Variants in SNX29 observed in about 807,000 individuals in gnomAD.
The protein encoded by SNX29 is sorting nexin 29, also known as sorting nexin-29.
A neutral mutation model predicts 102.1 loss-of-function variants in SNX29; 78 were observed. The observed-to-expected ratio is 0.76, with a 90% CI of 0.64 to 0.92. The LOEUF is 0.92. SNX29 is among the 40% of genes least tolerant of loss of function. SNX29 has a pLI of 0.00. For synonymous variants in SNX29, 580 were observed against 414.5 expected (o/e 1.40, Z -4.85); for missense variants, 1,280 against 1,061.7 (o/e 1.21, Z -2.86).
At chr16:12,161,654 G>C (rs542227188) in intron 13 of SNX29, among the ~76,000 whole-genome samples, 66 of 152,222 alleles carry the variant, frequency 4.3e-4, no homozygotes, top group Middle Eastern at 3.4e-3. Context: ...GGGACAGGTG[G>C]GTCCCTCATG....
chr16:12,115,171 C>A (rs961073884), intron 11 of SNX29, among the ~76,000 whole-genome samples: 2 of 152,128 alleles, frequency 1.3e-5, no homozygotes, highest in Non-Finnish European at 2.9e-5. Context: ...CGTCCCTCCC[C>A]CTCCGTTGCT....
chr16:12,048,931 C>T (rs1006180305), intron 7 of SNX29, among the ~76,000 whole-genome samples: 83 of 152,216 alleles, frequency 5.5e-4, no homozygotes, highest in African/African-American at 1.9e-3. Context: ...GTTCCTTCAT[C>T]GTATTCTGTG....
chr16:12,147,065 T>C (rs1018585372), intron 13 of SNX29, among the ~76,000 whole-genome samples: 1 of 152,246 alleles, frequency 6.6e-6, no homozygotes, highest in African/African-American at 2.4e-5. Flanking sequence ...ACTCAGGTTT[T>C]GTTGACGAAC....
intron 20 of SNX29, among the ~76,000 whole-genome samples, chr16:12,554,267 A>T (rs1001951534): frequency 1.3e-5 from 2 of 152,220 alleles, no homozygotes; most frequent in African/African-American, 4.8e-5. Context: ...CTTTTGGTGC[A>T]TCTGTGTATA....
At chr16:12,482,271 T>G (rs927968851) in intron 19 of SNX29, among the ~76,000 whole-genome samples, 1 of 145,750 alleles carries the variant, frequency 6.9e-6, no homozygotes, top group African/African-American at 2.4e-5. Flanking sequence ...CTCCTTTTCC[T>G]TTTTCTTTTT....
intron 18 of SNX29, among the ~76,000 whole-genome samples, chr16:12,459,768 G>T (rs2086699095): frequency 6.6e-6 from 1 of 152,190 alleles, no homozygotes; most frequent in Non-Finnish European, 1.5e-5. Context: ...CACTGGTCCT[G>T]CCCCTCAGGA....
intron 19 of SNX29, among the ~76,000 whole-genome samples, chr16:12,497,536 T>A (rs566099438): frequency 6.6e-6 from 1 of 152,348 alleles, no homozygotes; most frequent in African/African-American, 2.4e-5. Context: ...AACGAGAGGC[T>A]TAGGAATGAC....
At chr16:12,428,772 G>A (rs952275401) in intron 18 of SNX29, among the ~76,000 whole-genome samples, 16 of 151,298 alleles carry the variant, frequency 1.1e-4, no homozygotes, top group African/African-American at 3.9e-4. Context: ...CTCCTAGTTA[G>A]CCCAATACAT....
At chr16:12,284,410 G>C (rs1393298239) in intron 15 of SNX29, among the ~76,000 whole-genome samples, 2 of 152,216 alleles carry the variant, frequency 1.3e-5, no homozygotes, top group Admixed American at 1.3e-4. Context: ...GTGTCTCTGT[G>C]CTTCCTCTTC....
At chr16:12,088,279 A>G in intron 11 of SNX29, 2 of 366,512 alleles carry the variant, frequency 5.5e-6, no homozygotes, top group Non-Finnish European at 1.1e-5. Context: ...GGGTCAGAGC[A>G]GGGGCGGGTG....
intron 15 of SNX29, among the ~76,000 whole-genome samples, chr16:12,335,414 C>T (rs2081416834): frequency 6.6e-6 from 1 of 152,114 alleles, no homozygotes; most frequent in South Asian, 2.1e-4. Flanking sequence ...CCTGTAATCC[C>T]AGCACTTTGA....
At chr16:12,530,346 A>G (rs118128202) in intron 20 of SNX29, among the ~76,000 whole-genome samples, 1,664 of 152,236 alleles carry the variant, frequency 0.011, 10 homozygotes, top group Non-Finnish European at 0.016. Flanking sequence ...TGGGGAGCAG[A>G]TATTTTAGGG....
chr16:12,250,571 C>T (rs151199444), intron 14 of SNX29, among the ~76,000 whole-genome samples: 463 of 152,318 alleles, frequency 3.0e-3, no homozygotes, highest in African/African-American at 0.011. Context: ...TGGCTCGAAG[C>T]ACAATGCAGA....
chr16:12,403,248 GT>G (rs747791166), intron 17 of SNX29, among the ~76,000 whole-genome samples, 199 bp from the exon 18 acceptor site: 1,657 of 139,904 alleles, frequency 0.012, 25 homozygotes, highest in African/African-American at 0.026. Context: ...GTGTGTGTGT[GT>G]GTGTGTAGAG....
chr16:12,531,010 G>A (rs210723), intron 20 of SNX29, among the ~76,000 whole-genome samples: 7,316 of 152,308 alleles, frequency 0.048, 206 homozygotes, highest in Middle Eastern at 0.092. Context: ...GGAACATCTC[G>A]ATGGATACAC....
At chr16:12,488,603 G>A (rs1435029842) in intron 19 of SNX29, among the ~76,000 whole-genome samples, 2 of 152,144 alleles carry the variant, frequency 1.3e-5, no homozygotes, top group African/African-American at 2.4e-5. Flanking sequence ...TGTAGCACCG[G>A]CTTTGCTGGG....
chr16:12,560,140 C>CT (rs899222599), intron 20 of SNX29, among the ~76,000 whole-genome samples: 2 of 52,372 alleles, frequency 3.8e-5, no homozygotes, highest in African/African-American at 1.2e-4. Context: ...TCCCCTCCCC[C>CT]CCCCAACAAA....
intron 15 of SNX29, among the ~76,000 whole-genome samples, chr16:12,301,539 C>T (rs963991170): frequency 5.9e-5 from 9 of 152,270 alleles, no homozygotes; most frequent in African/African-American, 2.2e-4. Flanking sequence ...CCAATGGTGC[C>T]TTCTGTCTGA....
intron 13 of SNX29, among the ~76,000 whole-genome samples, chr16:12,144,340 T>G (rs1451298900): frequency 1.3e-5 from 2 of 152,234 alleles, no homozygotes; most frequent in Admixed American, 1.3e-4. Flanking sequence ...TAGATTTTAT[T>G]TTTAAGTAAA....
Sources: allele counts gnomAD v4.1 joint callset (sites outside exome capture counted in the v4.1 genomes callset), GRCh38; gene constraint gnomAD v4.1.1; transcripts MANE v1.5; gene names NCBI Gene and HGNC (gene_info 2026-07-23, HGNC 2026-07-21).